Variants in GPS1 observed in about 807,000 individuals in gnomAD.
GPS1 encodes COP9 signalosome complex subunit 1.
In GPS1, 11 loss-of-function variants were observed where a neutral mutation model predicts 60.0. The observed-to-expected ratio is 0.18, with a 90% CI of 0.12 to 0.30. The LOEUF is 0.30. Ranked by LOEUF, GPS1 falls within the 10% of genes least tolerant of loss-of-function variation. The probability of loss-of-function intolerance (pLI) is 1.00; values close to 1 mark genes in which losing one functional copy is unlikely to be tolerated. For missense variants in GPS1, 543 were observed against 669.2 expected (o/e 0.81, Z 2.08); for synonymous variants, 343 against 269.8 (o/e 1.27, Z -2.66).
upstream of GPS1, chr17:82,051,503 C>G: frequency 4.3e-6 from 6 of 1,382,050 alleles, no homozygotes; most frequent in Non-Finnish European, 3.8e-6. The surrounding 1 kb of genome is among the most constrained non-coding windows in gnomAD (Gnocchi z 4.1). Flanking sequence ...GGCGCACCTG[C>G]TGGCGGGCCC....
At position 82,057,232 on chromosome 17, in the gene GPS1, G is replaced by A. The variant is rs946010907; in HGVS notation, c.*105G>A. The A allele has an allele frequency of 1.4e-6, 2 of 1,381,042 alleles. No homozygotes were observed. The highest frequency in any genetic ancestry group is 2.4e-5 in the East Asian group (1 of 41,748). The allele number at this position is 1,381,042 out of a possible 1,614,324, so 85.5% of individuals were successfully genotyped here. ...GCCTGCGGCCCAGCTAAGGGGCCTG[G>A]CCACTGGGTGCCACCCAGCCTGTGT... On this transcript the variant is annotated 3_prime_UTR_variant, in exon 13 of 13. Transcript: ENST00000578552.
chr17:82,056,991 G>A lies in GPS1; in HGVS notation c.1389+17G>A, dbSNP rs574747988. 7 of 1,612,340 alleles carry A rather than the reference G, an allele frequency of 4.3e-6. No individual in the cohort carries two copies. The highest frequency in any genetic ancestry group is 2.7e-5 in the African/African-American group (2 of 74,930). ...CATGTCAAGGTGGGCTGGCTTGAGG[G>A]GGGGCAGGCGCACGGCGTGTGGGGC... On this transcript the variant is annotated intron_variant, in intron 12 of 12. Transcript: ENST00000578552.
intron 6 of GPS1, 100 bp downstream of exon 6, chr17:82,055,322 C>T (rs745534797): frequency 8.9e-6 from 11 of 1,233,172 alleles, no homozygotes; most frequent in African/African-American, 1.5e-5. Context: ...CCAGGGAAAA[C>T]TTCCCTGGCA....
intron 8 of GPS1, 21 bp downstream of exon 8, chr17:82,056,116 G>T (rs552166453): frequency 2.5e-6 from 4 of 1,583,078 alleles, no homozygotes; most frequent in East Asian, 4.5e-5. Flanking sequence ...CGGTCCTGCA[G>T]CCCTGAAGGC....
rs1409811818 is a variant in GPS1 at position 82,054,009 on chromosome 17, A to G, written c.268A>G (p.Met90Val). ...SFVQRTFNVD[M>V]YEEIHRKLSE... ...CGTGCAGAGAACCTTTAACGTGGAC[A>G]TGTACGAGGAGATCCACCGCAAGCT... is the stretch of plus-strand genomic sequence containing the variant. Residue 90 changes from methionine to valine, a missense_variant, in exon 3 of 13, where the codon ATG (methionine) becomes GTG (valine). Physicochemically the swap from Met to Val is conservative, Grantham distance 21 (BLOSUM62 1). Transcript: ENST00000578552. 1.4e-5 allele frequency: 22 copies of G among 1,612,368 alleles called. No individual in the cohort carries two copies. Among genetic ancestry groups the G allele is most frequent in the Middle Eastern group, 3.3e-4 (2 of 6,076 alleles).
At position 82,055,792 on chromosome 17, in the gene GPS1, G is replaced by T; in HGVS notation, c.801G>T (p.Leu267=). Residue 267 remains leucine (L), a synonymous_variant, in exon 7 of 13, where the codon CTG becomes CTT. Coordinates refer to ENST00000578552, the MANE Select transcript of GPS1 (RefSeq NM_001321092.3). ...RKYKQAAKCL[L]LASFDHCDFP... The stretch of plus-strand genomic sequence containing the variant: ...ACAAGCAGGCTGCCAAGTGCCTCCT[G>T]CTGGCTTCCTTTGATCACTGTGACT... 1 of 1,565,044 alleles carries T rather than the reference G, an allele frequency of 6.4e-7. No individual in the cohort carries two copies. The highest frequency in any genetic ancestry group is 2.4e-5 in the East Asian group (1 of 42,544).
intron 1 of GPS1, chr17:82,052,944 G>A (rs2031328867): frequency 3.8e-6 from 1 of 260,466 alleles, no homozygotes; most frequent in Non-Finnish European, 7.4e-6. Flanking sequence ...GGCTGGGAAC[G>A]TGTAGGGGCC....
chr17:82,056,337 C>T lies in GPS1; in HGVS notation c.981C>T (p.Phe327=). The T allele has an allele frequency of 3.1e-6, 5 of 1,613,404 alleles. No homozygotes were observed. The highest frequency in any genetic ancestry group is 4.2e-6 in the Non-Finnish European group (5 of 1,179,940). Residue 327 remains phenylalanine (F), a synonymous_variant, in exon 9 of 13, where the codon TTC becomes TTT. Coordinates refer to ENST00000578552, the MANE Select transcript of GPS1 (RefSeq NM_001321092.3). The part of the protein sequence containing the change: ...ELEPQVRDII[F]KFYESKYASC... ...AGCCACAGGTCCGAGACATCATCTTCAAATTCTACGAGTCCAAGTACGCCT... is the reference window on the plus strand; with the variant it reads ...AGCCACAGGTCCGAGACATCATCTTTAAATTCTACGAGTCCAAGTACGCCT...
chr17:82,054,852 G>A (rs1184063373), intron 4 of GPS1, 42 bp downstream of exon 4: 4 of 1,571,326 alleles, frequency 2.5e-6, no homozygotes, highest in Non-Finnish European at 3.5e-6. Flanking sequence ...GCATGGCTGG[G>A]CCATTGGGGC....
In GPS1 at chr17:82,054,110, A is replaced by G. The variant is rs1361666433; in HGVS notation, c.308+61A>G. On this transcript the variant is annotated intron_variant, in intron 3 of 12. Coordinates refer to ENST00000578552, the MANE Select transcript of GPS1 (RefSeq NM_001321092.3). ...CACCAAGGGAGCGCGGGTGTCTGGGACTGGGCCCCCTTCCTGTGCCCTGCA... is the reference window on the plus strand; with the variant it reads ...CACCAAGGGAGCGCGGGTGTCTGGGGCTGGGCCCCCTTCCTGTGCCCTGCA... The G allele has an allele frequency of 2.6e-6, 4 of 1,509,970 alleles. No homozygotes were observed. In the East Asian group the frequency reaches 9.6e-5, roughly 36 times the overall value. The allele number at this position is 1,509,970 out of a possible 1,614,324, so 93.5% of individuals were successfully genotyped here. A position where few individuals can be genotyped will look rare whatever the true frequency, so the allele number is the denominator to read the frequency against.
intron 8 of GPS1, 93 bp downstream of exon 8, chr17:82,056,188 G>A (rs2032696844): frequency 1.5e-6 from 2 of 1,379,064 alleles, no homozygotes; most frequent in Non-Finnish European, 2.1e-6. Context: ...CCTGGCCCCA[G>A]CGTTTTCTCA....
At chr17:82,053,590 CCG>C in intron 2 of GPS1, 1 of 525,590 alleles carries the variant, frequency 1.9e-6, no homozygotes, top group Non-Finnish European at 3.3e-6. Context: ...GGTCTCCTCC[CCG>C]CTCAGCCTAG....
In GPS1 at chr17:82,056,923, C is replaced by T; in HGVS notation, c.1338C>T (p.Ala446=). Residue 446 remains alanine (A), a synonymous_variant, in exon 12 of 13, where the codon GCC becomes GCT. Coordinates refer to ENST00000578552, the MANE Select transcript of GPS1 (RefSeq NM_001321092.3). ...LLMGKEFQRR[A]KAMMLRAAVL... ...TGGGCAAGGAGTTCCAGCGCCGCGCCAAGGCCATGATGCTGCGGGCAGCTG... is the reference window on the plus strand; with the variant it reads ...TGGGCAAGGAGTTCCAGCGCCGCGCTAAGGCCATGATGCTGCGGGCAGCTG... 6.2e-7 allele frequency: 1 copy of T among 1,612,948 alleles called. No individual in the cohort carries two copies. The highest frequency in any genetic ancestry group is 1.7e-5 in the Admixed American group (1 of 60,032).
At chr17:82,052,575 G>T in intron 1 of GPS1, 6 of 1,273,426 alleles carry the variant, frequency 4.7e-6, no homozygotes, top group Non-Finnish European at 6.4e-6. Flanking sequence ...TCAGTGCCAA[G>T]CGCAGGAGGG....
chr17:82,051,325 G>A (rs759848925), upstream of GPS1: 41 of 1,451,448 alleles, frequency 2.8e-5, no homozygotes, highest in Admixed American at 6.1e-5. The surrounding 1 kb of genome is among the most constrained non-coding windows in gnomAD (Gnocchi z 4.1). Context: ...GGTCGTCCCC[G>A]TCGGTGAAGA....
rs868110239 is a variant in GPS1, at chr17:82,054,527, C to A, written c.326C>A (p.Pro109His). 6.5e-7 allele frequency: 1 copy of A among 1,548,296 alleles called. No individual in the cohort carries two copies. Among genetic ancestry groups the A allele is most frequent in the Admixed American group, 1.8e-5 (1 of 54,164 alleles). ...SEATRELQNAPDAIPESGVEP... is the reference protein window; with the variant it reads ...SEATRELQNAHDAIPESGVEP... Reference sequence around the variant, plus strand: ...TCTCTCAGGGAGCTGCAGAACGCACCCGACGCCATCCCTGAGAGCGGCGTG... The same window carrying A: ...TCTCTCAGGGAGCTGCAGAACGCACACGACGCCATCCCTGAGAGCGGCGTG... The change falls in exon 4 of 13, where the codon CCC becomes CAC. Residue 109 changes from proline (P) to histidine (H), a missense_variant. By Grantham distance (77) the Pro-to-His change is moderately conservative. Transcript: ENST00000578552.
At chr17:82,051,221 G>A (rs2030506938), upstream of GPS1, 7 of 1,311,620 alleles carry the variant, frequency 5.3e-6, no homozygotes, top group Non-Finnish European at 6.8e-6. This position sits in a 1 kb window ranked among gnomAD's most constrained non-coding sequence, Gnocchi z 4.1. Flanking sequence ...CAGCAGCGAA[G>A]GGGCCGTGGC....
In GPS1 at chr17:82,057,089, C is replaced by T; in HGVS notation, c.1426C>T (p.Pro476Ser). The T allele has an allele frequency of 6.3e-7, 1 of 1,579,568 alleles. No homozygotes were observed. The highest frequency in any genetic ancestry group is 8.6e-7 in the Non-Finnish European group (1 of 1,160,608). Residue 476 changes from proline (P) to serine (S), a missense_variant, in exon 13 of 13, where the codon CCA (proline) becomes TCA (serine). By Grantham distance (74) the Pro-to-Ser change is moderately conservative (BLOSUM62 -1). Coordinates refer to ENST00000578552, the MANE Select transcript of GPS1 (RefSeq NM_001321092.3). Reference sequence around the variant, plus strand: ...AGAAGGGAGCCAGGGGGAGCTGACTCCAGCCAACAGCCAGTCCCGGATGAG... The same window carrying T: ...AGAAGGGAGCCAGGGGGAGCTGACTTCAGCCAACAGCCAGTCCCGGATGAG... ...PREGSQGELT[P>S]ANSQSRMSTN...
upstream of GPS1, chr17:82,051,725 C>A (rs1479930425): frequency 2.3e-5 from 24 of 1,056,668 alleles, no homozygotes; most frequent in Non-Finnish European, 2.7e-5. The surrounding 1 kb of genome is among the most constrained non-coding windows in gnomAD (Gnocchi z 4.1). Context: ...CCGCGGCCAG[C>A]GCGAGGCAGG....
Sources: gnomAD v4.1 joint callset for allele counts on GRCh38, gnomAD v4.1.1 for gene constraint, Gnocchi (gnomAD v3.1) non-coding constraint, MANE v1.5 for transcripts, NCBI Gene and HGNC (gene_info 2026-07-23, HGNC 2026-07-21) for gene names.